Variants in AAMDC observed in about 807,000 individuals in gnomAD.
AAMDC encodes the protein mth938 domain-containing protein.
A neutral mutation model predicts 15.5 loss-of-function variants in AAMDC; 16 were observed. The observed-to-expected ratio is 1.03, with a 90% confidence interval of 0.70 to 1.57. AAMDC has a LOEUF of 1.57. Among genes scored for constraint, AAMDC ranks in the 40% most tolerant of loss-of-function variants. The pLI, the probability that AAMDC is intolerant of heterozygous loss-of-function variation, is 0.00. For synonymous variants in AAMDC, 51 were observed against 51.6 expected, an observed-to-expected ratio of 0.99 and a Z score of 0.05; for missense variants, 141 against 144.9, an observed-to-expected ratio of 0.97 and a Z score of 0.14.
intron 2 of AAMDC, among the ~76,000 whole-genome samples, chr11:77,852,224 C>CAA (rs545742213): frequency 0.012 from 392 of 33,450 alleles, 28 homozygotes; most frequent in Middle Eastern, 0.025. Context: ...GACACTGTCT[C>CAA]AAAAAAAAAA....
chr11:77,894,863 G>A (rs1053245934), intron 5 of AAMDC, among the ~76,000 whole-genome samples: 15 of 152,098 alleles, frequency 9.9e-5, no homozygotes, highest in African/African-American at 3.4e-4. Flanking sequence ...CCATTGTATC[G>A]GCATCTGGAA....
At chr11:77,858,163 T>C (rs536388509) in intron 2 of AAMDC, among the ~76,000 whole-genome samples, 1 of 150,498 alleles carries the variant, frequency 6.6e-6, no homozygotes, top group South Asian at 2.1e-4. Context: ...AGACTACAGT[T>C]GTGTGCCACC....
At chr11:77,871,036 C>T (rs189959661) in intron 3 of AAMDC, among the ~76,000 whole-genome samples, 29 of 152,170 alleles carry the variant, frequency 1.9e-4, no homozygotes, top group Non-Finnish European at 4.0e-4. Flanking sequence ...ATCAGTAGGG[C>T]TCAAGCAATC....
chr11:77,869,977 A>G (rs1951336408), intron 3 of AAMDC, 160 bp downstream of exon 3: 1 of 584,332 alleles, frequency 1.7e-6, no homozygotes, highest in East Asian at 2.9e-5. Flanking sequence ...CTGCCTCATC[A>G]GCGTTGGGCT....
At chr11:77,858,142 C>T (rs1264992929) in intron 2 of AAMDC, among the ~76,000 whole-genome samples, 1 of 151,620 alleles carries the variant, frequency 6.6e-6, no homozygotes, top group African/African-American at 2.4e-5. Context: ...CGTCAGCCTC[C>T]TGAGTAGCTG....
intron 5 of AAMDC, chr11:77,878,786 T>C (rs1951680194): frequency 2.8e-6 from 2 of 713,788 alleles, no homozygotes; most frequent in Non-Finnish European, 5.0e-6. Context: ...TTTTATTTTT[T>C]AATGAAGAAA....
At chr11:77,902,150 T>A (rs1424355779), downstream of AAMDC, among the ~76,000 whole-genome samples, 1 of 152,170 alleles carries the variant, frequency 6.6e-6, no homozygotes, top group African/African-American at 2.4e-5. Flanking sequence ...CACTCTAGGG[T>A]CACGGAAATG....
chr11:77,891,894 C>A, intron 5 of AAMDC: 1 of 1,607,136 alleles, frequency 6.2e-7, no homozygotes, highest in South Asian at 1.1e-5. Flanking sequence ...TCATTCACCA[C>A]AGGCTGGGCC....
intron 1 of AAMDC, among the ~76,000 whole-genome samples, chr11:77,827,158 C>T (rs890334850): frequency 6.6e-6 from 1 of 151,974 alleles, no homozygotes; most frequent in African/African-American, 2.4e-5. Context: ...CCCCGCCCCC[C>T]TCAGAAAAGA....
At position 77,884,016 on chromosome 11, in the gene AAMDC, G is replaced by C. The variant is rs534788816; in HGVS notation, c.328+6967G>C. The C allele has an allele frequency of 2.5e-4, 385 of 1,537,390 alleles. 1 individual carries two copies. In the African/African-American group the frequency reaches 4.3e-3, roughly 17 times the overall value. On this transcript the variant is annotated intron_variant, in intron 5 of 5. Transcript: ENST00000304716. ...AGGAGCATTTAACAAAATGGATGAT[G>C]ACATCTGTTGTGAACCTCAAAACAC... is the stretch of plus-strand genomic sequence containing the variant.
downstream of AAMDC, among the ~76,000 whole-genome samples, chr11:77,902,906 C>A (rs537168326): frequency 1.3e-5 from 2 of 152,266 alleles, no homozygotes; most frequent in East Asian, 3.9e-4. Context: ...ATATAAACAA[C>A]CTTAACTGAG....
chr11:77,901,470 G>A (rs778460879), downstream of AAMDC: 1 of 1,613,936 alleles, frequency 6.2e-7, no homozygotes, highest in Non-Finnish European at 8.5e-7. Flanking sequence ...TTGGCCTGCA[G>A]CCTCATGTGA....
Position 77,868,998 on chromosome 11 carries a change from G to A in AAMDC, c.133-724G>A, listed in dbSNP as rs750534803. The stretch of plus-strand genomic sequence containing the variant: ...TGCCAACAGCACGTTGGGTAATACC[G>A]TAGACTCTTCCAGTTTTGCCATGGT... On this transcript the variant is annotated intron_variant, in intron 2 of 3. Coordinates refer to ENST00000393427, the MANE Select transcript of AAMDC (RefSeq NM_024684.4). 479 of 322,284 alleles carry A rather than the reference G, an allele frequency of 1.5e-3. 12 individuals are homozygous for A. The highest frequency in any genetic ancestry group is 3.9e-4 in the Non-Finnish European group (66 of 170,870). 20.0% of individuals were successfully genotyped at this position (322,284 alleles called of 1,614,324 possible). A position where few individuals can be genotyped will look rare whatever the true frequency, so the allele number is the denominator to read the frequency against.
intron 1 of AAMDC, among the ~76,000 whole-genome samples, chr11:77,828,200 G>C (rs960932101): frequency 2.0e-5 from 3 of 151,982 alleles, no homozygotes; most frequent in African/African-American, 7.3e-5. Flanking sequence ...ACTTGAACTT[G>C]GGAGGCAGAG....
downstream of AAMDC, among the ~76,000 whole-genome samples, chr11:77,874,805 G>A (rs1257691966): frequency 6.6e-6 from 1 of 152,186 alleles, no homozygotes; most frequent in Non-Finnish European, 1.5e-5. Flanking sequence ...GGGAGGCCGA[G>A]GTGGGCAGAT....
rs537007180 is a variant in AAMDC, at chr11:77,900,389, A to G, written c.329-182A>G. 2.1e-3 allele frequency among the ~76,000 whole-genome samples: 324 copies of G among 152,218 alleles called. 1 individual carries two copies. Among genetic ancestry groups the G allele is most frequent in the South Asian group, 4.2e-3 (20 of 4,812 alleles). On this transcript the variant is annotated intron_variant, in intron 5 of 5. Coordinates refer to the AAMDC transcript ENST00000304716. ...GCTGGGATTACAGGTGTGAGCCACC[A>G]CACCCGGCCACATATGAATATCTTT...
chr11:77,828,346 T>G (rs1265051211), intron 1 of AAMDC, among the ~76,000 whole-genome samples: 1 of 151,530 alleles, frequency 6.6e-6, no homozygotes. Context: ...CAGAAAATAT[T>G]TAGAGATTTC....
chr11:77,821,954 G>C (rs1948927231), intron 1 of AAMDC, among the ~76,000 whole-genome samples: 1 of 151,862 alleles, frequency 6.6e-6, no homozygotes, highest in Non-Finnish European at 1.5e-5. Context: ...ACATCATACG[G>C]TATTACTAGA....
At chr11:77,892,129 C>T (rs994659314) in intron 5 of AAMDC, among the ~76,000 whole-genome samples, 3 of 152,110 alleles carry the variant, frequency 2.0e-5, no homozygotes, top group African/African-American at 4.8e-5. Context: ...TTTTTATTTT[C>T]GTATTATAGA....
Sources: gnomAD v4.1 joint callset for allele counts (sites outside exome capture counted in the v4.1 genomes callset) on GRCh38, gnomAD v4.1.1 for gene constraint, MANE v1.5 for transcripts, NCBI Gene and HGNC (gene_info 2026-07-23, HGNC 2026-07-21) for gene names.